GNB5: variants seen among roughly 807,000 people sequenced by gnomAD.
GNB5 encodes the protein guanine nucleotide-binding protein subunit beta-5.
A neutral mutation model predicts 55.3 loss-of-function variants in GNB5; 37 were observed. That is an observed-to-expected ratio of 0.67 (90% CI 0.51 to 0.88). The LOEUF is 0.88. Ranked by LOEUF, GNB5 falls within the 40% of genes least tolerant of loss-of-function variation. The pLI, the probability that GNB5 is intolerant of heterozygous loss-of-function variation, is 0.00. For synonymous variants in GNB5, 219 were observed against 198.5 expected (o/e 1.10, Z -0.87); for missense variants, 476 against 515.3 (o/e 0.92, Z 0.74).
rs1166159743 is a variant in GNB5 at position 52,118,553 on chromosome 15, T to C, written c.*4204A>G. ...ATAGATACAATCCACAATGAGCAAG[T>C]TATTTGGGGTCCTCAATAACTTTTA... On this transcript the variant is annotated 3_prime_UTR_variant, in exon 13 of 13. Transcript: ENST00000261837. The C allele has an allele frequency of 6.6e-6, 1 of 151,944 alleles. No homozygotes were observed. Among genetic ancestry groups the C allele is most frequent in the Non-Finnish European group, 1.5e-5 (1 of 67,972 alleles). The allele number at this position is 151,944 out of a possible 1,614,324, so 9.4% of individuals were successfully genotyped here.
Position 52,122,175 on chromosome 15 carries a change from T to C in GNB5, c.*582A>G, listed in dbSNP as rs2033285576. 1 of 152,228 alleles carries C rather than the reference T, an allele frequency of 6.6e-6. No individual in the cohort carries two copies. Among genetic ancestry groups the C allele is most frequent in the Non-Finnish European group, 1.5e-5 (1 of 68,080 alleles). The allele number at this position is 152,228 out of a possible 1,614,324, so 9.4% of individuals were successfully genotyped here. Reference sequence around the variant, plus strand: ...CAGCAGTTCACCATAGACAAAAATGTTGTATCTGAAAAAAGACAATAGAAC... The same window carrying C: ...CAGCAGTTCACCATAGACAAAAATGCTGTATCTGAAAAAAGACAATAGAAC... On this transcript the variant is annotated 3_prime_UTR_variant, in exon 13 of 13. Transcript: ENST00000261837.
chr15:52,163,818 G>A (rs1015707001), intron 3 of GNB5, among the ~76,000 whole-genome samples: 2 of 152,214 alleles, frequency 1.3e-5, no homozygotes, highest in East Asian at 1.9e-4. Context: ...CCTCCTCCAG[G>A]AGCGTTCCAG....
intron 3 of GNB5, among the ~76,000 whole-genome samples, chr15:52,160,759 T>C (rs1254980863): frequency 2.0e-5 from 3 of 152,150 alleles, no homozygotes; most frequent in African/African-American, 4.8e-5. Context: ...CACATAAAAT[T>C]TGGGGGACTA....
chr15:52,186,337 C>A (rs2034846319), intron 1 of GNB5, among the ~76,000 whole-genome samples: 1 of 152,218 alleles, frequency 6.6e-6, no homozygotes, highest in South Asian at 2.1e-4. Flanking sequence ...GGGTCTGGGC[C>A]TTCCAGGAAT....
At chr15:52,137,463 C>G in intron 7 of GNB5, 2 of 1,017,994 alleles carry the variant, frequency 2.0e-6, no homozygotes, top group Non-Finnish European at 2.4e-6. Flanking sequence ...GGGACTCAGT[C>G]TGAAGCCAAG....
Position 52,115,710 on chromosome 15 carries a change from G to A in GNB5, c.*7047C>T, listed in dbSNP as rs1313319453. 1 of 152,190 alleles carries A rather than the reference G, an allele frequency of 6.6e-6. No homozygotes were observed. The highest frequency in any genetic ancestry group is 2.4e-5 in the African/African-American group (1 of 41,448). The allele number at this position is 152,190 out of a possible 1,614,324, so 9.4% of individuals were successfully genotyped here. On this transcript the variant is annotated 3_prime_UTR_variant, in exon 13 of 13. Coordinates refer to ENST00000261837, the MANE Select transcript of GNB5 (RefSeq NM_016194.4). ...TTTTAAGTAACAGCTTTATTGAGAT[G>A]TAATTCATATACCAAAAAATTCACC...
Position 52,124,518 on chromosome 15 carries a change from G to C in GNB5, c.1131C>G (p.Pro377=), listed in dbSNP as rs768931015. Residue 377 remains proline, a synonymous_variant, in exon 12 of 13, where the codon CCC becomes CCG. Transcript: ENST00000261837. ...ATCCAGAGCAGAAAGCAGTCCCATCGGGGGAAACTCGTAGAGTGCTAACGC... is the reference window on the plus strand; with the variant it reads ...ATCCAGAGCAGAAAGCAGTCCCATCCGGGGAAACTCGTAGAGTGCTAACGC... ...ENRVSTLRVS[P]DGTAFCSGSW... is the part of the protein sequence containing the mutation. 1.2e-6 allele frequency: 2 copies of C among 1,613,844 alleles called. No homozygotes were observed. Among genetic ancestry groups the C allele is most frequent in the Non-Finnish European group, 1.7e-6 (2 of 1,179,726 alleles).
At chr15:52,138,080 C>A in intron 7 of GNB5, 1 of 609,182 alleles carries the variant, frequency 1.6e-6, no homozygotes, top group East Asian at 6.7e-5. Flanking sequence ...CCTTTTTCTT[C>A]CCCTCTCTCT....
At chr15:52,152,957 C>T (rs1363712367) in intron 4 of GNB5, among the ~76,000 whole-genome samples, 2 of 152,210 alleles carry the variant, frequency 1.3e-5, no homozygotes, top group African/African-American at 4.8e-5. Flanking sequence ...CAGTTTATAG[C>T]TTTATGTTCA....
chr15:52,115,412 T>G lies in GNB5; in HGVS notation c.*7345A>C, dbSNP rs1393266126. 2.6e-5 allele frequency: 4 copies of G among 152,128 alleles called. No individual in the cohort carries two copies. Among genetic ancestry groups the G allele is most frequent in the Non-Finnish European group, 1.5e-5 (1 of 68,024 alleles). 9.4% of individuals were successfully genotyped at this position (152,128 alleles called of 1,614,324 possible). ...GGCAAGTTATTCAACTCTCCTAACC[T>G]CAATCTCCCCATCTAAAAATGGGGC... On this transcript the variant is annotated 3_prime_UTR_variant, in exon 13 of 13. Coordinates refer to ENST00000261837, the MANE Select transcript of GNB5 (RefSeq NM_016194.4).
In GNB5 at chr15:52,119,834, C is replaced by T. The variant is rs1462505005; in HGVS notation, c.*2923G>A. The T allele has an allele frequency of 1.3e-5, 2 of 152,230 alleles. No homozygotes were observed. The highest frequency in any genetic ancestry group is 2.9e-5 in the Non-Finnish European group (2 of 68,130). 9.4% of individuals were successfully genotyped at this position (152,230 alleles called of 1,614,324 possible). ...ATCGGTGGTGCCACCTTTCAGCCAG[C>T]TGGCCTGGCAACTATGAGAGCCCGG... On this transcript the variant is annotated 3_prime_UTR_variant, in exon 13 of 13. Coordinates refer to ENST00000261837, the MANE Select transcript of GNB5 (RefSeq NM_016194.4).
At chr15:52,124,005 CA>C (rs56008657) in intron 12 of GNB5, among the ~76,000 whole-genome samples, 26,097 of 84,518 alleles carry the variant, frequency 0.31, 1,562 homozygotes, top group Admixed American at 0.37. Flanking sequence ...ATAGAAAAAC[CA>C]AAAAAAAAAA....
rs1052707790 is a variant in GNB5, at chr15:52,118,492, T to G, written c.*4265A>C. 9.2e-5 allele frequency: 14 copies of G among 152,140 alleles called. No homozygotes were observed. Among genetic ancestry groups the G allele is most frequent in the African/African-American group, 2.7e-4 (11 of 41,416 alleles). 9.4% of individuals were successfully genotyped at this position (152,140 alleles called of 1,614,324 possible). ...ATCTGTATTCTTGTGTTTTATAACTTTTTCTCAGTCTTAATTTCTAATACA... is the reference window on the plus strand; with the variant it reads ...ATCTGTATTCTTGTGTTTTATAACTGTTTCTCAGTCTTAATTTCTAATACA... On this transcript the variant is annotated 3_prime_UTR_variant, in exon 13 of 13. Coordinates refer to ENST00000261837, the MANE Select transcript of GNB5 (RefSeq NM_016194.4).
Position 52,118,869 on chromosome 15 carries a change from T to TTTA in GNB5, c.*3887_*3888insTAA. The TTTA allele has an allele frequency of 2.1e-5, 2 of 93,308 alleles. No homozygotes were observed. The highest frequency in any genetic ancestry group is 7.4e-5 in the African/African-American group (2 of 26,940). 5.8% of individuals were successfully genotyped at this position (93,308 alleles called of 1,614,324 possible). ...TGGGCAACAAGAGCAAAACTCCACG[T>TTTA]AAAAAAAAAAAAAAAAAAAAAGTGT... On this transcript the variant is annotated 3_prime_UTR_variant, in exon 13 of 13. Coordinates refer to ENST00000261837, the MANE Select transcript of GNB5 (RefSeq NM_016194.4).
intron 7 of GNB5, chr15:52,138,085 CT>C (rs2033767372): frequency 1.7e-6 from 1 of 590,232 alleles, no homozygotes. Flanking sequence ...TTCTTCCCCT[CT>C]CTCTTATATG....
chr15:52,152,292 G>A (rs2034113711), intron 4 of GNB5, among the ~76,000 whole-genome samples: 1 of 151,644 alleles, frequency 6.6e-6, no homozygotes, highest in African/African-American at 2.4e-5. Flanking sequence ...AGAAACCTAT[G>A]CTGATCATAA....
chr15:52,177,240 G>A (rs940227022), intron 3 of GNB5, among the ~76,000 whole-genome samples: 3 of 151,328 alleles, frequency 2.0e-5, no homozygotes, highest in Admixed American at 1.3e-4. Context: ...TCACCATGTT[G>A]GCCAGGATGG....
intron 5 of GNB5, 59 bp from the exon 6 acceptor site, chr15:52,147,594 TC>T: frequency 5.5e-6 from 5 of 913,856 alleles, no homozygotes; most frequent in East Asian, 2.8e-5. Context: ...TTTTTTTTTT[TC>T]TTTTTTTTTG....
At chr15:52,188,437 G>T (rs1043653333) in intron 1 of GNB5, among the ~76,000 whole-genome samples, 6 of 152,160 alleles carry the variant, frequency 3.9e-5, no homozygotes, top group Admixed American at 3.3e-4. Flanking sequence ...GGTGTAGCAA[G>T]AATAGATTTG....
Sources: allele counts gnomAD v4.1 joint callset (sites outside exome capture counted in the v4.1 genomes callset), GRCh38; gene constraint gnomAD v4.1.1; transcripts MANE v1.5; gene names NCBI Gene and HGNC (gene_info 2026-07-23, HGNC 2026-07-21).